PDE10A: variants seen among roughly 807,000 people sequenced by gnomAD.
PDE10A encodes the protein phosphodiesterase 10A.
PDE10A carries 39 observed loss-of-function variants against 97.7 expected under a neutral mutation model. That is an observed-to-expected ratio of 0.40 (90% CI 0.31 to 0.52). The LOEUF (loss-of-function observed/expected upper bound fraction) is 0.52, where lower values mean the gene tolerates loss of function less well. Ranked by LOEUF, PDE10A falls within the 20% of genes least tolerant of loss-of-function variation. The pLI is 0.56. For synonymous variants in PDE10A, 371 were observed against 376.8 expected (o/e 0.98, Z 0.18); for missense variants, 731 against 1,047.8 (o/e 0.70, Z 4.17).
intron 1 of PDE10A, among the ~76,000 whole-genome samples, chr6:165,586,962 C>T (rs1008396093): frequency 6.6e-6 from 1 of 152,062 alleles, no homozygotes; most frequent in African/African-American, 2.4e-5. Flanking sequence ...AGCATGCAAG[C>T]AAAACTTCAG....
chr6:165,353,360 GACCCAGTAATTATGCTCCTTAATACTT>G (rs1782820584), intron 18 of PDE10A, among the ~76,000 whole-genome samples: 1 of 152,098 alleles, frequency 6.6e-6, no homozygotes, highest in Admixed American at 6.5e-5. Context: ...CTTATAATAT[GACCCAGTAATTATGCTCCTTAATACTT>G]ACCCAGAGGA....
At chr6:165,592,956 C>T (rs1406098601) in intron 1 of PDE10A, among the ~76,000 whole-genome samples, 1 of 152,150 alleles carries the variant, frequency 6.6e-6, no homozygotes, top group Non-Finnish European at 1.5e-5. Flanking sequence ...TGGGTATATA[C>T]CCAAAGGATT....
chr6:165,426,189 CCTG>C (rs1789151790), intron 10 of PDE10A, among the ~76,000 whole-genome samples: 1 of 152,086 alleles, frequency 6.6e-6, no homozygotes, highest in Admixed American at 6.6e-5. Flanking sequence ...TAGAAATTGA[CCTG>C]CTACTTCTAA....
intron 20 of PDE10A, among the ~76,000 whole-genome samples, chr6:165,338,114 C>T (rs748336630): frequency 2.6e-5 from 4 of 152,154 alleles, no homozygotes; most frequent in African/African-American, 7.2e-5. Flanking sequence ...GATAGGTATT[C>T]AGGATCCATT....
In PDE10A at chr6:165,332,693, C is replaced by A. The variant is rs188898981; in HGVS notation, c.*332G>T. 1 of 269,908 alleles carries A rather than the reference C, an allele frequency of 3.7e-6. No homozygotes were observed. The highest frequency in any genetic ancestry group is 7.0e-6 in the Non-Finnish European group (1 of 143,256). The allele number at this position is 269,908 out of a possible 1,614,324, so 16.7% of individuals were successfully genotyped here. A position where few individuals can be genotyped will look rare whatever the true frequency, so the allele number is the denominator to read the frequency against. On this transcript the variant is annotated 3_prime_UTR_variant, in exon 22 of 22. Transcript: ENST00000539869. ...TTAGAAAGATACAATGGAAAAGTACCCCTTCTGGATAATTTTTGTCCATTT... is the reference window on the plus strand; with the variant it reads ...TTAGAAAGATACAATGGAAAAGTACACCTTCTGGATAATTTTTGTCCATTT...
intron 1 of PDE10A, among the ~76,000 whole-genome samples, chr6:165,885,364 G>T (rs1419504384): frequency 6.6e-6 from 1 of 152,102 alleles, no homozygotes; most frequent in Non-Finnish European, 1.5e-5. Flanking sequence ...AAGGAGAAGC[G>T]CCACACTTTA....
intron 1 of PDE10A, among the ~76,000 whole-genome samples, chr6:165,695,510 C>T (rs1157974872): frequency 2.0e-5 from 3 of 152,212 alleles, no homozygotes; most frequent in Admixed American, 2.0e-4. Flanking sequence ...GGCTTCTCAT[C>T]TTGTCCCCTA....
At chr6:165,553,242 C>CT (rs537689273) in intron 1 of PDE10A, among the ~76,000 whole-genome samples, 4 of 151,746 alleles carry the variant, frequency 2.6e-5, no homozygotes, top group South Asian at 2.1e-4. Context: ...AGGGGGGTGT[C>CT]TTTTTTTTAA....
intron 1 of PDE10A, among the ~76,000 whole-genome samples, chr6:165,864,178 G>A (rs1780979857): frequency 6.6e-6 from 1 of 151,348 alleles, no homozygotes. Flanking sequence ...TCCTTTATAA[G>A]AAAAAAAAAA....
At chr6:165,702,633 G>A (rs943391172) in intron 1 of PDE10A, among the ~76,000 whole-genome samples, 2 of 152,214 alleles carry the variant, frequency 1.3e-5, no homozygotes, top group African/African-American at 4.8e-5. Flanking sequence ...ACCTGTGAAT[G>A]TACTAAACTG....
chr6:165,551,116 C>CTG (rs1489851025), intron 1 of PDE10A, among the ~76,000 whole-genome samples: 4 of 152,122 alleles, frequency 2.6e-5, no homozygotes, highest in African/African-American at 9.7e-5. Flanking sequence ...TCTTATTAAC[C>CTG]TGTGTGTGTG....
intron 17 of PDE10A, 36 bp from the exon 18 acceptor site, chr6:165,379,402 A>T: frequency 6.6e-7 from 1 of 1,504,578 alleles, no homozygotes; most frequent in Non-Finnish European, 9.2e-7. Flanking sequence ...CACCAATAAC[A>T]AGCACAAGCT....
chr6:165,651,616 T>C (rs1177522729), intron 1 of PDE10A, among the ~76,000 whole-genome samples: 1 of 152,322 alleles, frequency 6.6e-6, no homozygotes, highest in Non-Finnish European at 1.5e-5. Context: ...CCAAGGTGTT[T>C]CATTGTGTTT....
chr6:165,938,650 G>A (rs77897144), intron 1 of PDE10A, among the ~76,000 whole-genome samples: 14 of 151,946 alleles, frequency 9.2e-5, no homozygotes, highest in African/African-American at 1.2e-4. Flanking sequence ...TCTAAAACAC[G>A]GGGCCCTGGG....
chr6:165,716,877 G>A (rs1792038388), intron 1 of PDE10A, among the ~76,000 whole-genome samples: 1 of 152,094 alleles, frequency 6.6e-6, no homozygotes, highest in African/African-American at 2.4e-5. Context: ...ATCATTGTAA[G>A]CATTTTAGAC....
intron 1 of PDE10A, among the ~76,000 whole-genome samples, chr6:165,953,010 C>T (rs1277829737): frequency 2.6e-5 from 4 of 152,136 alleles, no homozygotes; most frequent in African/African-American, 9.7e-5. Context: ...TGAAGTGAAG[C>T]AGGGAGACTC....
chr6:165,845,523 G>C (rs1258178868), intron 1 of PDE10A, among the ~76,000 whole-genome samples: 1 of 152,194 alleles, frequency 6.6e-6, no homozygotes, highest in African/African-American at 2.4e-5. Flanking sequence ...AGAAAGAATT[G>C]AGAGGAAAAC....
intron 1 of PDE10A, among the ~76,000 whole-genome samples, chr6:165,772,719 G>A (rs1044796773): frequency 6.6e-6 from 1 of 152,206 alleles, no homozygotes; most frequent in African/African-American, 2.4e-5. Flanking sequence ...AGGGGCGGAA[G>A]TGAGGAAAGT....
chr6:165,982,614 A>G (rs988676491), intron 1 of PDE10A, among the ~76,000 whole-genome samples: 24 of 152,364 alleles, frequency 1.6e-4, no homozygotes, highest in East Asian at 1.3e-3. Flanking sequence ...ATAGTAACTA[A>G]TAAGATATCT....
Sources: allele counts gnomAD v4.1 joint callset (sites outside exome capture counted in the v4.1 genomes callset), GRCh38; gene constraint gnomAD v4.1.1; transcripts MANE v1.5; gene names NCBI Gene and HGNC (gene_info 2026-07-23, HGNC 2026-07-21).